Variants in HNRNPA1 observed in about 807,000 individuals in gnomAD.
HNRNPA1 encodes heterogeneous nuclear ribonucleoprotein A1.
Under a neutral mutation model 44.4 loss-of-function variants are expected in HNRNPA1, and 7 were observed. That is an observed-to-expected ratio of 0.16 (90% confidence interval 0.09 to 0.30). HNRNPA1 has a LOEUF of 0.30. Among genes scored for constraint, HNRNPA1 ranks in the 10% least tolerant of loss-of-function variants. The pLI is 1.00. For synonymous variants in HNRNPA1, 169 were observed against 160.6 expected (o/e 1.05, Z -0.40); for missense variants, 193 against 465.8 (o/e 0.41, Z 5.39).
In HNRNPA1 at chr12:54,281,870, G is replaced by A. The variant is rs751147157; in HGVS notation, c.208G>A (p.Ala70Thr). 8 of 1,613,490 alleles carry A rather than the reference G, an allele frequency of 5.0e-6. No individual in the cohort carries two copies. In the South Asian group the frequency reaches 7.7e-5, roughly 16 times the overall value. The change falls in exon 3 of 11, where the codon GCA becomes ACA. Residue 70 changes from alanine to threonine, a missense_variant. By Grantham distance (58) the Ala-to-Thr change is moderately conservative. Around this residue, in one of 2 missense-constraint regions of HNRNPA1, gnomAD observed 57 missense variants for 231.3 expected, o/e 0.25. Coordinates refer to ENST00000340913, the MANE Select transcript of HNRNPA1 (RefSeq NM_031157.4). Reference protein sequence around the residue: ...VTYATVEEVDAAMNARPHKVD... With the variant: ...VTYATVEEVDTAMNARPHKVD... ...ATATGCCACTGTGGAGGAGGTGGAT[G>A]CAGCTATGAATGCAAGGCCACACAA...
chr12:54,282,994 G>GT (rs1302022729), intron 7 of HNRNPA1, 85 bp from the exon 8 acceptor site: 2 of 1,519,906 alleles, frequency 1.3e-6, no homozygotes, highest in African/African-American at 2.7e-5. Context: ...CACGCATGCT[G>GT]TGAGCAGGCC....
rs1944189627 is a variant in HNRNPA1, at chr12:54,282,485, A to G, written c.582A>G (p.Arg194=). The G allele has an allele frequency of 6.2e-7, 1 of 1,612,670 alleles. No homozygotes were observed. Among genetic ancestry groups the G allele is most frequent in the African/African-American group, 1.3e-5 (1 of 74,882 alleles). The change falls in exon 5 of 11, where the codon AGA becomes AGG. Residue 194 remains arginine, a splice_region_variant and synonymous_variant. Transcript: ENST00000340913. ...QEMASASSSQ[R]GRSGSGNFGG... is the part of the protein sequence containing the mutation. Reference sequence around the variant, plus strand: ...TGGCTAGTGCTTCATCCAGCCAAAGAGGTATGCTTGTTGCTTAATTAAACC... The same window carrying G: ...TGGCTAGTGCTTCATCCAGCCAAAGGGGTATGCTTGTTGCTTAATTAAACC...
intron 3 of HNRNPA1, 42 bp from the exon 4 acceptor site, chr12:54,282,048 A>G: frequency 6.2e-7 from 1 of 1,603,702 alleles, no homozygotes; most frequent in Non-Finnish European, 8.5e-7. Flanking sequence ...TTATTCGAGT[A>G]TAGGCTTTGC....
rs373290985 is a variant in HNRNPA1 at position 54,283,942 on chromosome 12, A to G, written c.1038A>G (p.Gln346=). 7 of 1,607,506 alleles carry G rather than the reference A, an allele frequency of 4.4e-6. No individual in the cohort carries two copies. Among genetic ancestry groups the G allele is most frequent in the African/African-American group, 1.3e-5 (1 of 74,946 alleles). The part of the protein sequence containing the change: ...RSSGPYGGGG[Q]YFAKPRNQGG... ...CTGGCCCCTATGGCGGTGGAGGCCA[A>G]TACTTTGCAAAACCACGAAACCAAG... The change falls in exon 9 of 11, where the codon CAA becomes CAG. Residue 346 remains glutamine (Q), a synonymous_variant. Coordinates refer to ENST00000340913, the MANE Select transcript of HNRNPA1 (RefSeq NM_031157.4).
chr12:54,281,279 C>G (rs878930854), intron 1 of HNRNPA1, 107 bp from the exon 2 acceptor site: 11 of 741,938 alleles, frequency 1.5e-5, no homozygotes, highest in South Asian at 9.4e-5. Context: ...GCGACCTGAA[C>G]GAACAATAAG....
chr12:54,281,706 G>A (rs1475414320), intron 2 of HNRNPA1, 89 bp from the exon 3 acceptor site: 3 of 1,371,296 alleles, frequency 2.2e-6, no homozygotes, highest in Non-Finnish European at 1.0e-6. Flanking sequence ...AAAGGCTGGT[G>A]TAAAGTTTCC....
chr12:54,283,712 A>G, intron 8 of HNRNPA1, 100 bp from the exon 9 acceptor site: 1 of 1,144,718 alleles, frequency 8.7e-7, no homozygotes, highest in Non-Finnish European at 1.3e-6. Context: ...GGAGAAAGGA[A>G]GGCTGATAAC....
In HNRNPA1 at chr12:54,282,783, G is replaced by T. The variant is rs370698188; in HGVS notation, c.677-17G>T. On this transcript the variant is annotated splice_polypyrimidine_tract_variant and intron_variant, in intron 6 of 10. Transcript: ENST00000340913. ...TAAGTCCAAGTCATACTTAAAACTT[G>T]AAACTTTTTCTTACAGGTGGCTTTG... 20 of 1,558,712 alleles carry T rather than the reference G, an allele frequency of 1.3e-5. No homozygotes were observed. The highest frequency in any genetic ancestry group is 1.7e-5 in the Non-Finnish European group (19 of 1,150,450).
rs1297305574 is a variant in HNRNPA1, at chr12:54,286,749, T to G, written c.*2205T>G. On this transcript the variant is annotated 3_prime_UTR_variant, in exon 11 of 11. Transcript: ENST00000340913. Reference sequence around the variant, plus strand: ...GGCAGAAAGGTAAGTTTTTACAAATTAGTGCTCAGCAAAAGAATGCCCTGC... The same window carrying G: ...GGCAGAAAGGTAAGTTTTTACAAATGAGTGCTCAGCAAAAGAATGCCCTGC... 1 of 152,198 alleles carries G rather than the reference T, an allele frequency of 6.6e-6. No individual in the cohort carries two copies. The highest frequency in any genetic ancestry group is 1.5e-5 in the Non-Finnish European group (1 of 68,044). The allele number at this position is 152,198 out of a possible 1,614,324, so 9.4% of individuals were successfully genotyped here.
intron 2 of HNRNPA1, 52 bp downstream of exon 2, chr12:54,281,554 C>T (rs1175047606): frequency 4.7e-6 from 6 of 1,279,588 alleles, no homozygotes; most frequent in Non-Finnish European, 6.8e-6. Flanking sequence ...CTTGGCTTAT[C>T]TTGGTGCAGT....
intron 2 of HNRNPA1, 52 bp from the exon 3 acceptor site, chr12:54,281,743 C>T: frequency 1.9e-6 from 3 of 1,564,190 alleles, no homozygotes; most frequent in Non-Finnish European, 2.6e-6. Context: ...GTTAAAATGA[C>T]AAAAGCTTTT....
Position 54,285,592 on chromosome 12 carries a change from CTA to C in HNRNPA1, c.*1049_*1050del, listed in dbSNP as rs1944251903. On this transcript the variant is annotated 3_prime_UTR_variant, in exon 11 of 11. Coordinates refer to ENST00000340913, the MANE Select transcript of HNRNPA1 (RefSeq NM_031157.4). ...GAGATTCAAACCATACCAATAGAAA[CTA>C]AATTTTTCTACATAATTTCATGTTA... is the stretch of plus-strand genomic sequence containing the variant. 6.6e-6 allele frequency: 1 copy of C among 152,108 alleles called. No individual in the cohort carries two copies. The highest frequency in any genetic ancestry group is 1.5e-5 in the Non-Finnish European group (1 of 68,016). 9.4% of individuals were successfully genotyped at this position (152,108 alleles called of 1,614,324 possible).
chr12:54,281,997 G>A, intron 3 of HNRNPA1, 56 bp downstream of exon 3: 2 of 1,603,316 alleles, frequency 1.2e-6, no homozygotes, highest in Non-Finnish European at 1.7e-6. Context: ...GTGCTGCTAT[G>A]GACTTAAGAT....
At chr12:54,281,096 T>C in intron 1 of HNRNPA1, 1 of 700,988 alleles carries the variant, frequency 1.4e-6, no homozygotes. Flanking sequence ...CTTGCCTTGG[T>C]GAGCGAGTTT....
rs775845623 is a variant in HNRNPA1 at position 54,281,517 on chromosome 12, G to A, written c.132+15G>A. On this transcript the variant is annotated intron_variant, in intron 2 of 10. Coordinates refer to ENST00000340913, the MANE Select transcript of HNRNPA1 (RefSeq NM_031157.4). ...CGGACTGTGTGGTAAGATTTGGAAGGGACAAAGCAGTAAAACAGCCGATTT... is the reference window on the plus strand; with the variant it reads ...CGGACTGTGTGGTAAGATTTGGAAGAGACAAAGCAGTAAAACAGCCGATTT... 9.6e-6 allele frequency: 15 copies of A among 1,558,962 alleles called. No individual in the cohort carries two copies. In the South Asian group the frequency reaches 1.1e-4, roughly 12 times the overall value.
In HNRNPA1 at chr12:54,284,685, T is replaced by A; in HGVS notation, c.*141T>A. On this transcript the variant is annotated 3_prime_UTR_variant, in exon 11 of 11. Transcript: ENST00000340913. ...AAGAAGACATGTTTTAGACAAATAC[T>A]CATGTGTATGGGCAAAAAACTCGAG... 2.0e-6 allele frequency: 1 copy of A among 504,798 alleles called. No homozygotes were observed. Among genetic ancestry groups the A allele is most frequent in the Non-Finnish European group, 3.9e-6 (1 of 259,734 alleles). The allele number at this position is 504,798 out of a possible 1,614,324, so 31.3% of individuals were successfully genotyped here.
In HNRNPA1 at chr12:54,286,227, C is replaced by T. The variant is rs989417462; in HGVS notation, c.*1683C>T. ...AGGAGGCAGACAAGAGTAAGGCACA[C>T]CTGACTCTTAGGACTAGCAGTCAGA... On this transcript the variant is annotated 3_prime_UTR_variant, in exon 11 of 11. Transcript: ENST00000340913. The T allele has an allele frequency of 7.2e-5, 11 of 152,122 alleles. No homozygotes were observed. The highest frequency in any genetic ancestry group is 2.7e-4 in the African/African-American group (11 of 41,412). The allele number at this position is 152,122 out of a possible 1,614,324, so 9.4% of individuals were successfully genotyped here.
At position 54,282,284 on chromosome 12, in the gene HNRNPA1, C is replaced by T. The variant is rs781737563; in HGVS notation, c.474C>T (p.Ser158=). 4.6e-5 allele frequency: 75 copies of T among 1,613,482 alleles called. No homozygotes were observed. The highest frequency in any genetic ancestry group is 2.6e-4 in the South Asian group (24 of 91,078). Residue 158 remains serine, a synonymous_variant, in exon 4 of 11, where the codon TCC becomes TCT. Coordinates refer to ENST00000340913, the MANE Select transcript of HNRNPA1 (RefSeq NM_031157.4). ...TTGTAACCTTTGACGACCATGACTC[C>T]GTGGATAAGATTGTCAGTAAGTATC... ...FAFVTFDDHD[S]VDKIVIQKYH...
At chr12:54,281,031 C>G (rs759484713) in intron 1 of HNRNPA1, 8 of 712,332 alleles carry the variant, frequency 1.1e-5, no homozygotes, top group Non-Finnish European at 2.1e-5. Flanking sequence ...TCATGCGGGA[C>G]TCGTTACTCG....
Sources: gnomAD v4.1 joint callset for allele counts on GRCh38, gnomAD v4.1.1 for gene constraint, gnomAD v4.1.1 regional missense constraint, MANE v1.5 for transcripts, NCBI Gene and HGNC (gene_info 2026-07-23, HGNC 2026-07-21) for gene names.